The following ZNF316 variants were observed in gnomAD, a reference collection of about 807,000 sequenced individuals.
ZNF316 encodes the protein zinc finger protein 316.
Under a neutral mutation model 75.6 loss-of-function variants are expected in ZNF316, and 23 were observed. The observed-to-expected ratio is 0.30, with a 90% CI of 0.22 to 0.43. The LOEUF is 0.43. Among genes scored for constraint, ZNF316 ranks in the 20% least tolerant of loss-of-function variants. ZNF316 has a pLI of 1.00. For synonymous variants in ZNF316, 827 were observed against 666.2 expected (o/e 1.24, Z -3.72); for missense variants, 1,266 against 1,409.4 (o/e 0.90, Z 1.63).
chr7:6,653,990 C>A lies in ZNF316; in HGVS notation c.2394C>A (p.Thr798=), dbSNP rs564551833. The A allele has an allele frequency of 1.7e-6, 2 of 1,180,548 alleles. No individual in the cohort carries two copies. The highest frequency in any genetic ancestry group is 7.6e-5 in the East Asian group (2 of 26,386). 73.1% of individuals were successfully genotyped at this position (1,180,548 alleles called of 1,614,324 possible). The change falls in exon 9 of 9, where the codon ACC becomes ACA. Residue 798 remains threonine (T), a synonymous_variant. Coordinates refer to ENST00000382252, the MANE Select transcript of ZNF316 (RefSeq NM_001278559.2). ...AHLTAHGRAH[T]GERPYACGEC... is the part of the protein sequence containing the mutation. ...TGACGGCGCACGGGCGCGCGCACAC[C>A]GGGGAGCGGCCTTACGCGTGTGGAG...
chr7:6,644,097 C>G, intron 7 of ZNF316, 149 bp downstream of exon 7: 1 of 880,266 alleles, frequency 1.1e-6, no homozygotes, highest in Non-Finnish European at 1.5e-6. Flanking sequence ...CCCTAGGACC[C>G]CATGGCCCCT....
rs973629512 is a variant in ZNF316 at position 6,652,602 on chromosome 7, G to A, written c.1006G>A (p.Val336Met). 7.2e-5 allele frequency: 88 copies of A among 1,230,382 alleles called. No homozygotes were observed. The highest frequency in any genetic ancestry group is 8.9e-5 in the Non-Finnish European group (88 of 987,080). 76.2% of individuals were successfully genotyped at this position (1,230,382 alleles called of 1,614,324 possible). The part of the protein sequence containing the change: ...LLSPWAFPAA[V>M]APPAGRPETT... ...GTCGCCCTGGGCGTTCCCCGCCGCAGTGGCCCCGCCGGCCGGGAGGCCGGA... is the reference window on the plus strand; with the variant it reads ...GTCGCCCTGGGCGTTCCCCGCCGCAATGGCCCCGCCGGCCGGGAGGCCGGA... The change falls in exon 9 of 9, where the codon GTG (valine) becomes ATG (methionine). Residue 336 changes from valine to methionine, a missense_variant. Transcript: ENST00000382252.
chr7:6,653,558 C>T lies in ZNF316; in HGVS notation c.1962C>T (p.Gly654=), dbSNP rs897824655. Residue 654 remains glycine, a synonymous_variant, in exon 9 of 9, where the codon GGC becomes GGT. Transcript: ENST00000382252. ...CCGGGCTGGCGTGCGACCCTTTCGGCGGCGGCGGGGCCGCGGGCGGCGGAG... is the reference window on the plus strand; with the variant it reads ...CCGGGCTGGCGTGCGACCCTTTCGGTGGCGGCGGGGCCGCGGGCGGCGGAG... The part of the protein sequence containing the change: ...EGTGLACDPF[G]GGGAAGGGGG... 413 of 1,168,962 alleles carry T rather than the reference C, an allele frequency of 3.5e-4. No homozygotes were observed. The highest frequency in any genetic ancestry group is 4.3e-4 in the Non-Finnish European group (404 of 947,940). 72.4% of individuals were successfully genotyped at this position (1,168,962 alleles called of 1,614,324 possible). A position where few individuals can be genotyped will look rare whatever the true frequency, so the allele number is the denominator to read the frequency against.
chr7:6,643,058 G>GTC lies in ZNF316; in HGVS notation c.450_451insTC (p.Thr151SerfsTer9). ...AGGATGAGGACGAGGATGATTTGCT[G>GTC]ACGGCTGGGTGTCAGGTGAGCCGCC... On this transcript the variant is annotated frameshift_variant, in exon 6 of 9. Coordinates refer to ENST00000382252, the MANE Select transcript of ZNF316 (RefSeq NM_001278559.2). LOFTEE classifies it high-confidence loss of function. 1.6e-6 allele frequency: 2 copies of GTC among 1,236,626 alleles called. No homozygotes were observed. Among genetic ancestry groups the GTC allele is most frequent in the Non-Finnish European group, 2.0e-6 (2 of 990,658 alleles). 76.6% of individuals were successfully genotyped at this position (1,236,626 alleles called of 1,614,324 possible).
rs200054983 is a variant in ZNF316 at position 6,645,701 on chromosome 7, T to TA, written c.706+1118dup. 2.7e-3 allele frequency among the ~76,000 whole-genome samples: 302 copies of TA among 112,922 alleles called. 2 individuals carry two copies. The highest frequency in any genetic ancestry group is 7.9e-3 in the Middle Eastern group (1 of 126). 74.1% of individuals were successfully genotyped at this position (112,922 alleles called of 152,430 possible). ...TCTGTCTCAAAAATTAAAAAAGAAA[T>TA]AAAAAAAAAATAGGCTAGGTGCGGT... On this transcript the variant is annotated intron_variant, in intron 8 of 8. Coordinates refer to ENST00000382252, the MANE Select transcript of ZNF316 (RefSeq NM_001278559.2).
chr7:6,651,190 A>AATCATC (rs556164753), intron 8 of ZNF316, among the ~76,000 whole-genome samples: 12 of 150,366 alleles, frequency 8.0e-5, no homozygotes, highest in African/African-American at 9.8e-5. Context: ...TCTCTACTAA[A>AATCATC]ATCATCATCA....
rs1779559556 is a variant in ZNF316, at chr7:6,653,592, C to T, written c.1996C>T (p.Arg666Cys). Residue 666 changes from arginine (R) to cysteine (C), a missense_variant, in exon 9 of 9, where the codon CGC becomes TGC. Arg to Cys is a radical substitution (Grantham distance 180, BLOSUM62 -3). Around this residue, in one of 3 missense-constraint regions of ZNF316, gnomAD observed 961 missense variants for 990.9 expected, o/e 0.97. Coordinates refer to ENST00000382252, the MANE Select transcript of ZNF316 (RefSeq NM_001278559.2). ...GGAAGGGGGL[R>C]AFGPAIGGLL... ...GGCCGCGGGCGGCGGAGGCGGCCTG[C>T]GCGCGTTCGGGCCCGCCATCGGGGG... 1 of 1,068,252 alleles carries T rather than the reference C, an allele frequency of 9.4e-7. No individual in the cohort carries two copies. Among genetic ancestry groups the T allele is most frequent in the East Asian group, 6.1e-5 (1 of 16,476 alleles). 66.2% of individuals were successfully genotyped at this position (1,068,252 alleles called of 1,614,324 possible). A position where few individuals can be genotyped will look rare whatever the true frequency, so the allele number is the denominator to read the frequency against.
Position 6,639,151 on chromosome 7 carries a change from A to C in ZNF316, c.-167+10A>C, listed in dbSNP as rs1779270595. The C allele has an allele frequency of 6.6e-6, 1 of 152,346 alleles. No homozygotes were observed. Among genetic ancestry groups the C allele is most frequent in the South Asian group, 2.1e-4 (1 of 4,836 alleles). 9.4% of individuals were successfully genotyped at this position (152,346 alleles called of 1,614,324 possible). Reference sequence around the variant, plus strand: ...CTCCACTGCTTCTGGGGTGAGTTCCAATTCCAAGGGTCCCCCCAACCCCCT... The same window carrying C: ...CTCCACTGCTTCTGGGGTGAGTTCCCATTCCAAGGGTCCCCCCAACCCCCT... On this transcript the variant is annotated intron_variant, in intron 3 of 8. Transcript: ENST00000382252. The surrounding 1 kb of genome is among the most constrained non-coding windows in gnomAD (Gnocchi z 4.2).
intron 8 of ZNF316, among the ~76,000 whole-genome samples, chr7:6,649,358 G>A (rs1050629628): frequency 6.6e-6 from 1 of 152,194 alleles, no homozygotes; most frequent in Non-Finnish European, 1.5e-5. Flanking sequence ...CTGGGCTGCT[G>A]TCGCATGGTT....
At position 6,643,895 on chromosome 7, in the gene ZNF316, G is replaced by A; in HGVS notation, c.539G>A (p.Arg180Gln). The change falls in exon 7 of 9, where the codon CGG becomes CAG. Residue 180 changes from arginine (R) to glutamine (Q), a missense_variant. Physicochemically the swap from Arg to Gln is conservative, Grantham distance 43. Around this residue, in one of 3 missense-constraint regions of ZNF316, gnomAD observed 961 missense variants for 990.9 expected, o/e 0.97. Transcript: ENST00000382252. ...EEWERLEADQ[R>Q]GLYQEVMQEN... ...TGGGAAAGGCTGGAAGCAGACCAGC[G>A]GGGCCTCTACCAGGAAGTCATGCAG... 3.2e-6 allele frequency: 4 copies of A among 1,235,262 alleles called. No individual in the cohort carries two copies. The highest frequency in any genetic ancestry group is 6.1e-4 in the Middle Eastern group (2 of 3,282). 76.5% of individuals were successfully genotyped at this position (1,235,262 alleles called of 1,614,324 possible).
At chr7:6,643,254 G>A (rs954996204) in intron 6 of ZNF316, among the ~76,000 whole-genome samples, 181 bp downstream of exon 6, 5 of 152,192 alleles carry the variant, frequency 3.3e-5, no homozygotes, top group African/African-American at 1.2e-4. Flanking sequence ...CCCCAAGCCC[G>A]GGGGTGTGGT....
At position 6,654,221 on chromosome 7, in the gene ZNF316, C is replaced by A. The variant is rs2115321725; in HGVS notation, c.2625C>A (p.Ala875=). 8.2e-7 allele frequency: 1 copy of A among 1,222,542 alleles called. No homozygotes were observed. The highest frequency in any genetic ancestry group is 3.9e-5 in the South Asian group (1 of 25,692). The allele number at this position is 1,222,542 out of a possible 1,614,324, so 75.7% of individuals were successfully genotyped here. A position where few individuals can be genotyped will look rare whatever the true frequency, so the allele number is the denominator to read the frequency against. Residue 875 remains alanine (A), a synonymous_variant, in exon 9 of 9, where the codon GCC becomes GCA. Coordinates refer to ENST00000382252, the MANE Select transcript of ZNF316 (RefSeq NM_001278559.2). ...GRGFAQRSNL[A]KHRRGHTGER... ...GCTTCGCGCAGCGCTCCAACCTGGC[C>A]AAGCACCGGCGCGGCCACACGGGCG...
At chr7:6,650,262 G>T (rs561631690) in intron 8 of ZNF316, among the ~76,000 whole-genome samples, 3 of 152,356 alleles carry the variant, frequency 2.0e-5, no homozygotes, top group African/African-American at 7.2e-5. Flanking sequence ...TCGGGGAAGG[G>T]TGGCCACTGA....
Position 6,653,419 on chromosome 7 carries a change from T to C in ZNF316, c.1823T>C (p.Leu608Pro). 8.1e-7 allele frequency: 1 copy of C among 1,228,016 alleles called. No homozygotes were observed. The allele number at this position is 1,228,016 out of a possible 1,614,324, so 76.1% of individuals were successfully genotyped here. A position where few individuals can be genotyped will look rare whatever the true frequency, so the allele number is the denominator to read the frequency against. ...FHFPVHPKSW[L>P]HPDSFPILGL... ...TTCCCCGTGCACCCCAAGTCCTGGC[T>C]GCACCCGGACAGCTTCCCGATCCTG... The change falls in exon 9 of 9, where the codon CTG becomes CCG. Residue 608 changes from leucine to proline, a missense_variant. Around this residue, in one of 3 missense-constraint regions of ZNF316, gnomAD observed 961 missense variants for 990.9 expected, o/e 0.97. Coordinates refer to ENST00000382252, the MANE Select transcript of ZNF316 (RefSeq NM_001278559.2).
chr7:6,642,897 G>A lies in ZNF316; in HGVS notation c.356-67G>A. On this transcript the variant is annotated intron_variant, in intron 5 of 8. Transcript: ENST00000382252. The surrounding 1 kb of genome is among the most constrained non-coding windows in gnomAD (Gnocchi z 8.1). ...AACCCAGCTTTGCAATGAGGGTGTT[G>A]CCAGGGCTCCTGGCCCTGCAGGCTG... is the stretch of plus-strand genomic sequence containing the variant. 8.1e-7 allele frequency: 1 copy of A among 1,232,410 alleles called. No homozygotes were observed. Among genetic ancestry groups the A allele is most frequent in the Non-Finnish European group, 1.0e-6 (1 of 988,224 alleles). The allele number at this position is 1,232,410 out of a possible 1,614,324, so 76.3% of individuals were successfully genotyped here. A position where few individuals can be genotyped will look rare whatever the true frequency, so the allele number is the denominator to read the frequency against.
rs1260713905 is a variant in ZNF316 at position 6,637,521 on chromosome 7, G to T, written c.-431+74G>T. 6.8e-6 allele frequency: 1 copy of T among 146,614 alleles called. No individual in the cohort carries two copies. The highest frequency in any genetic ancestry group is 1.5e-5 in the Non-Finnish European group (1 of 65,708). 9.1% of individuals were successfully genotyped at this position (146,614 alleles called of 1,614,324 possible). ...CGGGCGGGCCGGGCTTGCGCTCGGGGGCGGCGGCGGCGGCGGGGCCGGGCT... is the reference window on the plus strand; with the variant it reads ...CGGGCGGGCCGGGCTTGCGCTCGGGTGCGGCGGCGGCGGCGGGGCCGGGCT... On this transcript the variant is annotated intron_variant, in intron 1 of 8. Transcript: ENST00000382252. This position sits in a 1 kb window ranked among gnomAD's most constrained non-coding sequence, Gnocchi z 6.2.
Position 6,654,674 on chromosome 7 carries a change from C to A in ZNF316, c.*63C>A, listed in dbSNP as rs1426432821. The A allele has an allele frequency of 3.5e-6, 4 of 1,134,954 alleles. No individual in the cohort carries two copies. Among genetic ancestry groups the A allele is most frequent in the Non-Finnish European group, 4.3e-6 (4 of 922,410 alleles). The allele number at this position is 1,134,954 out of a possible 1,614,324, so 70.3% of individuals were successfully genotyped here. On this transcript the variant is annotated 3_prime_UTR_variant, in exon 9 of 9. Transcript: ENST00000382252. ...ACCGGCCCCTCCCTTGGACGGCCGG[C>A]CCCCCGCTCCTCGGGCCCCGGGAGG...
Position 6,653,741 on chromosome 7 carries a change from C to T in ZNF316, c.2145C>T (p.Gly715=), listed in dbSNP as rs997840877. The T allele has an allele frequency of 3.9e-4, 426 of 1,097,376 alleles. No homozygotes were observed. The highest frequency in any genetic ancestry group is 1.3e-3 in the Admixed American group (25 of 19,076). The allele number at this position is 1,097,376 out of a possible 1,614,324, so 68.0% of individuals were successfully genotyped here. Reference sequence around the variant, plus strand: ...CCAAGCACCAGCGCTACCACGCGGGCGAGCGGCCGCATCGCTGCGCCGACT... The same window carrying T: ...CCAAGCACCAGCGCTACCACGCGGGTGAGCGGCCGCATCGCTGCGCCGACT... ...ALAKHQRYHA[G]ERPHRCADCG... Residue 715 remains glycine (G), a synonymous_variant, in exon 9 of 9, where the codon GGC becomes GGT. Transcript: ENST00000382252.
chr7:6,646,696 ATGCTCCCCGCCTCCCCCAG>A (rs1212489923), intron 8 of ZNF316, among the ~76,000 whole-genome samples: 1 of 151,738 alleles, frequency 6.6e-6, no homozygotes, highest in Non-Finnish European at 1.5e-5. Flanking sequence ...CCCTCCCCTG[ATGCTCCCCGCCTCCCCCAG>A]TGCTCCCTGC....
Sources: allele counts gnomAD v4.1 joint callset (sites outside exome capture counted in the v4.1 genomes callset), GRCh38; gene constraint gnomAD v4.1.1; regional missense constraint gnomAD v4.1.1; non-coding constraint Gnocchi (gnomAD v3.1); transcripts MANE v1.5; gene names NCBI Gene and HGNC (gene_info 2026-07-23, HGNC 2026-07-21).